PTDSS1: variants seen among roughly 807,000 people sequenced by gnomAD.
PTDSS1 encodes phosphatidylserine synthase 1.
In PTDSS1, 45 loss-of-function variants were observed where a neutral mutation model predicts 70.5. That is an observed-to-expected ratio of 0.64 (90% CI 0.50 to 0.82). The LOEUF is 0.82. Among genes scored for constraint, PTDSS1 ranks in the 40% least tolerant of loss-of-function variants. The pLI, the probability that PTDSS1 is intolerant of heterozygous loss-of-function variation, is 0.00. For synonymous variants in PTDSS1, 188 were observed against 203.8 expected, an observed-to-expected ratio of 0.92 and a Z score of 0.66; for missense variants, 417 against 586.1, an observed-to-expected ratio of 0.71 and a Z score of 2.98.
chr8:96,330,942 G>A (rs922032367), intron 11 of PTDSS1, 84 bp from the exon 12 acceptor site: 3 of 1,140,716 alleles, frequency 2.6e-6, no homozygotes, highest in Non-Finnish European at 2.6e-6. Context: ...GAGAGGCAGG[G>A]ATGCAGCATG....
chr8:96,281,187 A>T (rs546407846), intron 2 of PTDSS1, among the ~76,000 whole-genome samples: 32 of 152,292 alleles, frequency 2.1e-4, no homozygotes, highest in African/African-American at 6.0e-4. Flanking sequence ...GATTTTTTTT[A>T]AAAAAGTAAA....
chr8:96,326,961 G>A (rs758184794), intron 10 of PTDSS1, among the ~76,000 whole-genome samples: 2 of 152,196 alleles, frequency 1.3e-5, no homozygotes, highest in Non-Finnish European at 2.9e-5. Context: ...GGGGACTTGA[G>A]TGCCACTCCA....
intron 10 of PTDSS1, among the ~76,000 whole-genome samples, chr8:96,328,157 C>T (rs1451800380): frequency 6.6e-6 from 1 of 152,140 alleles, no homozygotes; most frequent in South Asian, 2.1e-4. Flanking sequence ...GGAAGAGCCC[C>T]GCGTGCCTGC....
chr8:96,330,812 A>G (rs542318063), intron 11 of PTDSS1: 12 of 551,962 alleles, frequency 2.2e-5, no homozygotes, highest in African/African-American at 3.8e-5. Context: ...TAAAGAACTT[A>G]AGGCATGTTG....
At position 96,299,294 on chromosome 8, in the gene PTDSS1, A is replaced by G. The variant is rs143855957; in HGVS notation, c.601-400A>G. Among the ~76,000 whole-genome samples, 556 of 152,276 alleles carry G rather than the reference A, an allele frequency of 3.7e-3. 2 individuals are homozygous for G. Among genetic ancestry groups the G allele is most frequent in the African/African-American group, 0.013 (529 of 41,548 alleles). ...GGATATTTTTGAAATGCACAACTTGAATTCTCAAGCTGCTAATTTTGAGAA... is the reference window on the plus strand; with the variant it reads ...GGATATTTTTGAAATGCACAACTTGGATTCTCAAGCTGCTAATTTTGAGAA... On this transcript the variant is annotated intron_variant, in intron 5 of 12. Coordinates refer to ENST00000517309, the MANE Select transcript of PTDSS1 (RefSeq NM_014754.3).
intron 4 of PTDSS1, among the ~76,000 whole-genome samples, chr8:96,287,648 C>G (rs1810843069): frequency 6.6e-6 from 1 of 152,158 alleles, no homozygotes; most frequent in Non-Finnish European, 1.5e-5. Flanking sequence ...AGCACCTGCA[C>G]TCTCTGGCCT....
chr8:96,302,972 C>G (rs1811072086), intron 6 of PTDSS1, among the ~76,000 whole-genome samples: 1 of 152,162 alleles, frequency 6.6e-6, no homozygotes, highest in Admixed American at 6.5e-5. Context: ...ATCATTTTGT[C>G]AAGTTCCCAC....
chr8:96,299,891 T>C (rs2130094697), intron 6 of PTDSS1, 46 bp downstream of exon 6: 12 of 1,565,246 alleles, frequency 7.7e-6, no homozygotes, highest in Non-Finnish European at 1.0e-5. Context: ...TTTCATGATA[T>C]ATATTTAATT....
chr8:96,278,446 A>G (rs1810681568), intron 2 of PTDSS1, among the ~76,000 whole-genome samples: 1 of 152,200 alleles, frequency 6.6e-6, no homozygotes, highest in African/African-American at 2.4e-5. Context: ...TCTTTCATTC[A>G]GTCCCATAAG....
intron 10 of PTDSS1, among the ~76,000 whole-genome samples, chr8:96,329,545 T>C (rs981646829): frequency 2.0e-5 from 3 of 152,218 alleles, no homozygotes; most frequent in Admixed American, 6.5e-5. Flanking sequence ...GTGGGGCAAG[T>C]GTGGAGTAGA....
chr8:96,317,024 T>TA (rs1811299701), intron 9 of PTDSS1, among the ~76,000 whole-genome samples: 1 of 58,466 alleles, frequency 1.7e-5, no homozygotes. Context: ...TGTGTATATA[T>TA]ATATGTGTCT....
chr8:96,283,263 A>G (rs1175059035), intron 2 of PTDSS1, among the ~76,000 whole-genome samples: 1 of 152,184 alleles, frequency 6.6e-6, no homozygotes, highest in Non-Finnish European at 1.5e-5. Flanking sequence ...GGGATTCATA[A>G]AGTTGGAAAT....
intron 3 of PTDSS1, among the ~76,000 whole-genome samples, 161 bp downstream of exon 3, chr8:96,284,314 A>T (rs985112680): frequency 1.3e-5 from 2 of 152,206 alleles, no homozygotes; most frequent in African/African-American, 4.8e-5. Context: ...AAATTATTTG[A>T]CACAAAATAA....
At chr8:96,322,555 C>T (rs1195695756) in intron 10 of PTDSS1, among the ~76,000 whole-genome samples, 1 of 152,130 alleles carries the variant, frequency 6.6e-6, no homozygotes, top group African/African-American at 2.4e-5. Context: ...TTATGGGGTG[C>T]ACTCCTCATG....
Position 96,262,250 on chromosome 8 carries a change from T to C in PTDSS1, c.179+31T>C, listed in dbSNP as rs1586177134. The C allele has an allele frequency of 3.7e-6, 3 of 820,082 alleles. No individual in the cohort carries two copies. The highest frequency in any genetic ancestry group is 5.4e-6 in the Non-Finnish European group (3 of 557,896). The allele number at this position is 820,082 out of a possible 1,614,324, so 50.8% of individuals were successfully genotyped here. A position where few individuals can be genotyped will look rare whatever the true frequency, so the allele number is the denominator to read the frequency against. On this transcript the variant is annotated intron_variant, in intron 1 of 12. Coordinates refer to ENST00000517309, the MANE Select transcript of PTDSS1 (RefSeq NM_014754.3). This position sits in a 1 kb window ranked among gnomAD's most constrained non-coding sequence, Gnocchi z 4.4. ...GCGGCCCAGCCGAGCGGGGGGCGCG[T>C]CCAAGGGCTAGGGAAGAGGCGGGAG... is the stretch of plus-strand genomic sequence containing the variant.
intron 8 of PTDSS1, among the ~76,000 whole-genome samples, chr8:96,307,059 C>T (rs1563576411): frequency 6.6e-6 from 1 of 152,096 alleles, no homozygotes; most frequent in African/African-American, 2.4e-5. Flanking sequence ...TGGGTGTTCC[C>T]GCCATTATTC....
intron 2 of PTDSS1, 85 bp downstream of exon 2, chr8:96,273,475 T>A: frequency 2.9e-6 from 3 of 1,034,170 alleles, no homozygotes; most frequent in Non-Finnish European, 4.3e-6. Flanking sequence ...GAAGATGAAG[T>A]AAAGAAATAA....
intron 12 of PTDSS1, among the ~76,000 whole-genome samples, chr8:96,332,670 A>G (rs985692107): frequency 2.0e-5 from 3 of 152,268 alleles, no homozygotes; most frequent in Non-Finnish European, 4.4e-5. Flanking sequence ...AGATGTATTT[A>G]CTTGATGGAA....
intron 10 of PTDSS1, among the ~76,000 whole-genome samples, chr8:96,323,646 G>A (rs773961522): frequency 4.6e-5 from 7 of 152,180 alleles, no homozygotes; most frequent in Non-Finnish European, 7.4e-5. Flanking sequence ...GCCTGTAACC[G>A]AAAACCATTC....
Sources: gnomAD v4.1 joint callset for allele counts (sites outside exome capture counted in the v4.1 genomes callset) on GRCh38, gnomAD v4.1.1 for gene constraint, Gnocchi (gnomAD v3.1) non-coding constraint, MANE v1.5 for transcripts, NCBI Gene and HGNC (gene_info 2026-07-23, HGNC 2026-07-21) for gene names.